The following CYFIP2 variants were observed in gnomAD, a reference collection of about 807,000 sequenced individuals.
The protein encoded by CYFIP2 is cytoplasmic FMR1 interacting protein 2, also known as cytoplasmic FMR1-interacting protein 2.
In CYFIP2, 29 loss-of-function variants were observed where a neutral mutation model predicts 158.7. The ratio of observed to expected loss-of-function variants is 0.18; its 90% CI spans 0.14 to 0.25. CYFIP2 has a LOEUF of 0.25. Ranked by LOEUF, CYFIP2 falls within the 10% of genes least tolerant of loss-of-function variation. The pLI, the probability that CYFIP2 is intolerant of heterozygous loss-of-function variation, is 1.00. For missense variants in CYFIP2, 852 were observed against 1,639.5 expected, an observed-to-expected ratio of 0.52 and a Z score of 8.29; for synonymous variants, 585 against 617.6, an observed-to-expected ratio of 0.95 and a Z score of 0.78.
chr5:157,339,156 C>T lies in CYFIP2; in HGVS notation c.2485C>T (p.His829Tyr). The T allele has an allele frequency of 6.2e-7, 1 of 1,614,044 alleles. No homozygotes were observed. The highest frequency in any genetic ancestry group is 8.5e-7 in the Non-Finnish European group (1 of 1,179,906). The change falls in exon 22 of 31, where the codon CAC (histidine) becomes TAC (tyrosine). Residue 829 changes from histidine (H) to tyrosine (Y), a missense_variant. By Grantham distance (83) the His-to-Tyr change is moderately conservative. Transcript: ENST00000620254. Reference sequence around the variant, plus strand: ...CGATGCCATGTTCCGAGAGGCCAATCACAATGTGTCCGCCCCCTATGGCCG... The same window carrying T: ...CGATGCCATGTTCCGAGAGGCCAATTACAATGTGTCCGCCCCCTATGGCCG... ...SFDAMFREAN[H>Y]NVSAPYGRIT...
intron 7 of CYFIP2, chr5:157,303,236 T>G (rs1283583486): frequency 4.6e-6 from 1 of 219,702 alleles, no homozygotes; most frequent in Non-Finnish European, 9.0e-6. Context: ...TAAGCCTCAG[T>G]TTCCTCATCC....
chr5:157,295,322 CT>C (rs1236866131), intron 4 of CYFIP2, among the ~76,000 whole-genome samples: 3 of 152,160 alleles, frequency 2.0e-5, no homozygotes, highest in African/African-American at 7.2e-5. Context: ...CTGCCACTTG[CT>C]TTTTTCCCCA....
At position 157,361,139 on chromosome 5, in the gene CYFIP2, A is replaced by G. The variant is rs951697249; in HGVS notation, c.2909-329A>G. On this transcript the variant is annotated intron_variant, in intron 25 of 30. Transcript: ENST00000620254. The surrounding 1 kb of genome is among the most constrained non-coding windows in gnomAD (Gnocchi z 4.4). ...CACAATATCTGACACCTACTAATAA[A>G]TATTAATTCCTGTCATGATTAGGAA... is the stretch of plus-strand genomic sequence containing the variant. Among the ~76,000 whole-genome samples, 1 of 152,118 alleles carries G rather than the reference A, an allele frequency of 6.6e-6. No homozygotes were observed. The highest frequency in any genetic ancestry group is 1.5e-5 in the Non-Finnish European group (1 of 68,010).
At chr5:157,384,979 T>C (rs1012228597) in intron 28 of CYFIP2, 15 of 154,746 alleles carry the variant, frequency 9.7e-5, no homozygotes, top group African/African-American at 3.5e-4. Flanking sequence ...TAATGGTGGT[T>C]GGGTTCTTTG....
chr5:157,331,769 G>A (rs191063262), intron 20 of CYFIP2, among the ~76,000 whole-genome samples: 1 of 152,306 alleles, frequency 6.6e-6, no homozygotes, highest in African/African-American at 2.4e-5. Context: ...CTTTATGTGT[G>A]CATAAGATGG....
intron 24 of CYFIP2, among the ~76,000 whole-genome samples, chr5:157,360,070 A>G (rs989496053): frequency 1.3e-5 from 2 of 152,238 alleles, no homozygotes; most frequent in Non-Finnish European, 2.9e-5. Flanking sequence ...CTACACCTAG[A>G]AATGTGCCCT....
At chr5:157,283,446 C>A (rs949447606) in intron 1 of CYFIP2, among the ~76,000 whole-genome samples, 1 of 149,220 alleles carries the variant, frequency 6.7e-6, no homozygotes, top group African/African-American at 2.5e-5. Flanking sequence ...TTTTTTTTTT[C>A]TTTTCTTTCA....
intron 3 of CYFIP2, among the ~76,000 whole-genome samples, chr5:157,293,062 GTA>G (rs1219479625): frequency 0.019 from 2,891 of 151,506 alleles, 102 homozygotes; most frequent in African/African-American, 0.068. Context: ...ATGTATGTAT[GTA>G]TGTGTGTTTG....
At chr5:157,364,204 C>CGGGGGGGGGGGGGGGGGGTGGGG (rs926942944) in intron 26 of CYFIP2, 1 of 38,304 alleles carries the variant, frequency 2.6e-5, no homozygotes, top group Non-Finnish European at 6.0e-5. Context: ...GGCGGGGTGG[C>CGGGGGGGGGGGGGGGGGGTGGGG]GGGGGGGGGT....
chr5:157,291,538 C>T (rs1299704033), intron 3 of CYFIP2, among the ~76,000 whole-genome samples: 1 of 152,214 alleles, frequency 6.6e-6, no homozygotes, highest in Non-Finnish European at 1.5e-5. Context: ...ATGCATGAGT[C>T]GGAATTAACA....
intron 23 of CYFIP2, among the ~76,000 whole-genome samples, chr5:157,355,386 T>C (rs547824278): frequency 4.7e-4 from 71 of 152,360 alleles, no homozygotes; most frequent in African/African-American, 1.6e-3. Flanking sequence ...TGGCTATTTT[T>C]TCAGTGAGCG....
intron 28 of CYFIP2, among the ~76,000 whole-genome samples, chr5:157,387,089 A>C (rs1031746492): frequency 2.0e-5 from 3 of 152,206 alleles, no homozygotes; most frequent in African/African-American, 7.2e-5. Flanking sequence ...AGTTGAAGTT[A>C]CTGATATATT....
intron 20 of CYFIP2, 63 bp downstream of exon 20, chr5:157,330,913 C>A: frequency 7.7e-7 from 1 of 1,305,878 alleles, no homozygotes; most frequent in Non-Finnish European, 1.1e-6. Flanking sequence ...GCGAAGTTAG[C>A]ATAGAGATCA....
intron 23 of CYFIP2, among the ~76,000 whole-genome samples, chr5:157,344,456 A>G (rs1003232305): frequency 2.0e-5 from 3 of 152,214 alleles, no homozygotes; most frequent in Admixed American, 6.5e-5. Context: ...TTCCTAATGC[A>G]AGGCTGCCGG....
At chr5:157,354,028 G>C (rs955650236) in intron 23 of CYFIP2, among the ~76,000 whole-genome samples, 2 of 152,132 alleles carry the variant, frequency 1.3e-5, no homozygotes, top group Non-Finnish European at 2.9e-5. Context: ...TGTATATTTT[G>C]CCACAACATT....
chr5:157,272,291 C>T (rs771508078), intron 1 of CYFIP2, among the ~76,000 whole-genome samples: 1 of 152,144 alleles, frequency 6.6e-6, no homozygotes, highest in Non-Finnish European at 1.5e-5. Context: ...CCTCTGGTCC[C>T]GGAGGACAGG....
intron 23 of CYFIP2, chr5:157,345,742 A>G (rs545088564): frequency 1.3e-5 from 2 of 152,794 alleles, no homozygotes; most frequent in Admixed American, 6.5e-5. Context: ...ACCAGCAGGC[A>G]TCTGTACGCA....
intron 28 of CYFIP2, among the ~76,000 whole-genome samples, chr5:157,386,255 TCACCCAAGCTGGAGTGCA>T: frequency 6.6e-6 from 1 of 152,170 alleles, no homozygotes; most frequent in Non-Finnish European, 1.5e-5. Flanking sequence ...TCTTTGCCTG[TCACCCAAGCTGGAGTGCA>T]GTGGTGTGAT....
At chr5:157,275,377 G>T (rs1334191014) in intron 1 of CYFIP2, among the ~76,000 whole-genome samples, 5 of 152,060 alleles carry the variant, frequency 3.3e-5, no homozygotes, top group African/African-American at 1.2e-4. Context: ...TTGCATGTGG[G>T]TATCCAGTTG....
Sources: gnomAD v4.1 joint callset for allele counts (sites outside exome capture counted in the v4.1 genomes callset) on GRCh38, gnomAD v4.1.1 for gene constraint, Gnocchi (gnomAD v3.1) non-coding constraint, MANE v1.5 for transcripts, NCBI Gene and HGNC (gene_info 2026-07-23, HGNC 2026-07-21) for gene names.